CRYBG3: variants seen among roughly 807,000 people sequenced by gnomAD.
CRYBG3 encodes very large A-kinase anchor protein.
In CRYBG3, 127 loss-of-function variants were observed where a neutral mutation model predicts 244.2. The observed-to-expected ratio is 0.52, with a 90% CI of 0.45 to 0.60. The LOEUF is 0.60. CRYBG3 is among the 20% of genes least tolerant of loss of function. CRYBG3 has a pLI of 0.00. For missense variants in CRYBG3, 3,325 were observed against 3,442.5 expected (o/e 0.97, Z 0.85); for synonymous variants, 1,132 against 1,195.8 (o/e 0.95, Z 1.10).
rs1232535193 is a variant in CRYBG3 at position 97,875,253 on chromosome 3, T to G, written c.4059T>G (p.Asp1353Glu). Residue 1353 changes from aspartate to glutamate, a missense_variant, in exon 4 of 22, where the codon GAT becomes GAG. By Grantham distance (45) the Asp-to-Glu change is conservative. Around this residue, in one of 4 missense-constraint regions of CRYBG3, gnomAD observed 635 missense variants for 771.7 expected, o/e 0.82. Transcript: ENST00000389622. ...ACAGTGATAGTGTTAAGCCACATGA[T>G]GTAGTTAGAGAGTTCTTGGTTTCAG... ...ILNSDSVKPH[D>E]VVREFLVSEQ... The G allele has an allele frequency of 6.6e-7, 1 of 1,509,522 alleles. No individual in the cohort carries two copies. Among genetic ancestry groups the G allele is most frequent in the East Asian group, 2.5e-5 (1 of 40,744 alleles). The allele number at this position is 1,509,522 out of a possible 1,614,324, so 93.5% of individuals were successfully genotyped here. A position where few individuals can be genotyped will look rare whatever the true frequency, so the allele number is the denominator to read the frequency against.
chr3:97,885,603 A>G (rs1379623995), intron 7 of CRYBG3, among the ~76,000 whole-genome samples: 1 of 152,168 alleles, frequency 6.6e-6, no homozygotes, highest in South Asian at 2.1e-4. Flanking sequence ...GAACTTGACT[A>G]TTAGAAGAGC....
chr3:97,873,317 A>G lies in CRYBG3; in HGVS notation c.2123A>G (p.His708Arg), dbSNP rs558086868. The change falls in exon 4 of 22, where the codon CAT becomes CGT. Residue 708 changes from histidine to arginine, a missense_variant. Transcript: ENST00000389622. The stretch of plus-strand genomic sequence containing the variant: ...TGTAAAGAAGAAAATGTGAAAAACC[A>G]TGTTGAGGCTGCAGGCAGGAAGAGT... Reference protein sequence around the residue: ...RKCKEENVKNHVEAAGRKSPP... With the variant: ...RKCKEENVKNRVEAAGRKSPP... 6 of 1,535,804 alleles carry G rather than the reference A, an allele frequency of 3.9e-6. No homozygotes were observed. Among genetic ancestry groups the G allele is most frequent in the South Asian group, 2.4e-5 (2 of 84,006 alleles).
chr3:97,836,704 G>C (rs185658402), intron 1 of CRYBG3, among the ~76,000 whole-genome samples: 4 of 152,138 alleles, frequency 2.6e-5, no homozygotes, highest in African/African-American at 9.7e-5. Context: ...AGTCCTTGCT[G>C]TATTTAAGGG....
chr3:97,932,242 G>A (rs1207094771), intron 17 of CRYBG3, among the ~76,000 whole-genome samples: 3 of 151,928 alleles, frequency 2.0e-5, no homozygotes, highest in African/African-American at 7.2e-5. Flanking sequence ...GCAAATGGTA[G>A]TGTATGAAAT....
At chr3:97,841,691 G>C (rs978523125) in intron 1 of CRYBG3, among the ~76,000 whole-genome samples, 1 of 151,810 alleles carries the variant, frequency 6.6e-6, no homozygotes, top group Admixed American at 6.6e-5. Flanking sequence ...ACCACTATTC[G>C]ACATCTGGCC....
chr3:97,934,294 C>A (rs563218846), intron 18 of CRYBG3, among the ~76,000 whole-genome samples: 1 of 151,966 alleles, frequency 6.6e-6, no homozygotes, highest in East Asian at 1.9e-4. Context: ...TAGAAAGCTG[C>A]CTTTAAGAAA....
At chr3:97,938,890 C>T (rs564816970) in intron 19 of CRYBG3, among the ~76,000 whole-genome samples, 7 of 151,894 alleles carry the variant, frequency 4.6e-5, no homozygotes, top group Non-Finnish European at 7.4e-5. Context: ...GTGTGGTAGA[C>T]GATCTCATGA....
At position 97,942,408 on chromosome 3, in the gene CRYBG3, C is replaced by T. The variant is rs746293550; in HGVS notation, c.8789C>T (p.Ser2930Phe). The T allele has an allele frequency of 6.2e-7, 1 of 1,611,518 alleles. No individual in the cohort carries two copies. The highest frequency in any genetic ancestry group is 1.1e-5 in the South Asian group (1 of 90,886). Residue 2930 changes from serine to phenylalanine, a missense_variant, in exon 21 of 22, where the codon TCT (serine) becomes TTT (phenylalanine). Physicochemically the swap from Ser to Phe is radical, Grantham distance 155. Coordinates refer to ENST00000389622, the MANE Select transcript of CRYBG3 (RefSeq NM_153605.4). ...CTGAATAAAAATGGAACTATCAGCT[C>T]TTATCTCAGTGATCAACTTGTCCTT... ...WRLNKNGTIS[S>F]YLSDQLVLDV... is the part of the protein sequence containing the mutation.
At chr3:97,935,684 C>T (rs1259686504) in intron 18 of CRYBG3, among the ~76,000 whole-genome samples, 3 of 151,944 alleles carry the variant, frequency 2.0e-5, no homozygotes, top group Non-Finnish European at 2.9e-5. Flanking sequence ...TCTGGAAAAT[C>T]GAGGGGCTGA....
In CRYBG3 at chr3:97,876,819, A is replaced by G. The variant is rs555655998; in HGVS notation, c.5625A>G (p.Thr1875=). The change falls in exon 4 of 22, where the codon ACA becomes ACG. Residue 1875 remains threonine (T), a synonymous_variant. Coordinates refer to ENST00000389622, the MANE Select transcript of CRYBG3 (RefSeq NM_153605.4). ...TAGACATTGAGAAAATACATGGAACAGGACTAGAATTGACCACTAAACAAG... is the reference window on the plus strand; with the variant it reads ...TAGACATTGAGAAAATACATGGAACGGGACTAGAATTGACCACTAAACAAG... ...AVVDIEKIHG[T]GLELTTKQGE... 53 of 1,326,582 alleles carry G rather than the reference A, an allele frequency of 4.0e-5. No homozygotes were observed. The highest frequency in any genetic ancestry group is 4.7e-5 in the Non-Finnish European group (49 of 1,041,516). The allele number at this position is 1,326,582 out of a possible 1,614,324, so 82.2% of individuals were successfully genotyped here. A position where few individuals can be genotyped will look rare whatever the true frequency, so the allele number is the denominator to read the frequency against.
At chr3:97,942,979 A>ATTG (rs1317528760) in intron 21 of CRYBG3, 6 of 430,308 alleles carry the variant, frequency 1.4e-5, no homozygotes, top group African/African-American at 4.2e-5. Context: ...AAAGAATCAC[A>ATTG]TTAAGGCACG....
Position 97,893,131 on chromosome 3 carries a change from ATTAG to A in CRYBG3, c.7574+142_7574+145del, listed in dbSNP as rs2039600857. 3 of 724,504 alleles carry A rather than the reference ATTAG, an allele frequency of 4.1e-6. No individual in the cohort carries two copies. The East Asian group carries it at 9.1e-5, about 22-fold the overall frequency. The allele number at this position is 724,504 out of a possible 1,614,324, so 44.9% of individuals were successfully genotyped here. On this transcript the variant is annotated intron_variant, in intron 11 of 21. Transcript: ENST00000389622. ...TTCTGTAATATGGAAAGTAAAAAAT[ATTAG>A]TTACTTATGGTTTTCTGTGGACTCT... is the stretch of plus-strand genomic sequence containing the variant.
intron 1 of CRYBG3, among the ~76,000 whole-genome samples, chr3:97,833,039 T>A (rs114735258): frequency 3.3e-5 from 5 of 152,002 alleles, no homozygotes; most frequent in African/African-American, 7.3e-5. Flanking sequence ...GTTAGAATGG[T>A]GATCATTAAA....
intron 9 of CRYBG3, among the ~76,000 whole-genome samples, 190 bp from the exon 10 acceptor site, chr3:97,889,165 C>T (rs369090738): frequency 6.6e-6 from 1 of 152,280 alleles, no homozygotes; most frequent in African/African-American, 2.4e-5. Context: ...ATGAGGAACA[C>T]TATAACTTGG....
rs2108215290 is a variant in CRYBG3, at chr3:97,873,774, A to G, written c.2580A>G (p.Pro860=). 2.6e-6 allele frequency: 4 copies of G among 1,534,094 alleles called. No homozygotes were observed. The highest frequency in any genetic ancestry group is 1.4e-5 in the African/African-American group (1 of 72,942). ...CTCAGGATAAAATGTCTTCTTTTCC[A>G]TTGAAAATTACCCATGTTCCAGAAA... is the stretch of plus-strand genomic sequence containing the variant. The part of the protein sequence containing the change: ...NISQDKMSSF[P]LKITHVPEKP... Residue 860 remains proline, a synonymous_variant, in exon 4 of 22, where the codon CCA becomes CCG. Coordinates refer to ENST00000389622, the MANE Select transcript of CRYBG3 (RefSeq NM_153605.4).
chr3:97,889,304 A>G (rs770241875), intron 9 of CRYBG3, 51 bp from the exon 10 acceptor site: 1 of 1,379,858 alleles, frequency 7.2e-7, no homozygotes, highest in Non-Finnish European at 1.0e-6. Context: ...ATTACATTCA[A>G]ATGTTTTAAA....
At chr3:97,910,621 C>T (rs831885) in intron 15 of CRYBG3, among the ~76,000 whole-genome samples, 6 of 152,188 alleles carry the variant, frequency 3.9e-5, no homozygotes, top group African/African-American at 7.2e-5. Flanking sequence ...GCACGGTGCA[C>T]GCACCCATGA....
chr3:97,882,521 G>A (rs942248327), intron 7 of CRYBG3, among the ~76,000 whole-genome samples: 3 of 152,040 alleles, frequency 2.0e-5, no homozygotes, highest in African/African-American at 7.2e-5. Flanking sequence ...GAAGTTCTGT[G>A]GTAGTATAGA....
chr3:97,899,794 G>C (rs1180122069), intron 14 of CRYBG3, among the ~76,000 whole-genome samples: 1 of 152,150 alleles, frequency 6.6e-6, no homozygotes, highest in Non-Finnish European at 1.5e-5. Context: ...TAATCTCCTT[G>C]TATGCAAATT....
Sources: gnomAD v4.1 joint callset for allele counts (sites outside exome capture counted in the v4.1 genomes callset) on GRCh38, gnomAD v4.1.1 for gene constraint, gnomAD v4.1.1 regional missense constraint, MANE v1.5 for transcripts, NCBI Gene and HGNC (gene_info 2026-07-23, HGNC 2026-07-21) for gene names.